Variants in SUGP1 observed in about 807,000 individuals in gnomAD.
SUGP1 encodes SURP and G-patch domain containing 1, also known as SURP and G-patch domain-containing protein 1.
In SUGP1, 34 loss-of-function variants were observed where a neutral mutation model predicts 76.5. That is an observed-to-expected ratio of 0.44 (90% CI 0.34 to 0.59). SUGP1 has a LOEUF of 0.59. Ranked by LOEUF, SUGP1 falls within the 20% of genes least tolerant of loss-of-function variation. SUGP1 has a pLI of 0.01. For synonymous variants in SUGP1, 326 were observed against 326.2 expected (o/e 1.00, Z 0.01); for missense variants, 752 against 851.7 (o/e 0.88, Z 1.46).
At chr19:19,290,498 G>A (rs1013153674) in intron 8 of SUGP1, among the ~76,000 whole-genome samples, 1 of 152,060 alleles carries the variant, frequency 6.6e-6, no homozygotes, top group Non-Finnish European at 1.5e-5. Flanking sequence ...ATAAAAATTA[G>A]CCGGGCATGG....
In SUGP1 at chr19:19,276,135, A is replaced by AC. The variant is rs1338767242; in HGVS notation, c.*512dup. ...AAAGGCGCAATCTTGGCTCACTGCA[A>AC]CCGCTTCCCAGGTTCAAGCCATTCT... On this transcript the variant is annotated 3_prime_UTR_variant, in exon 14 of 14. Transcript: ENST00000247001. The AC allele has an allele frequency of 6.3e-6, 1 of 158,092 alleles. No homozygotes were observed. Among genetic ancestry groups the AC allele is most frequent in the Non-Finnish European group, 1.4e-5 (1 of 71,420 alleles). The allele number at this position is 158,092 out of a possible 1,614,324, so 9.8% of individuals were successfully genotyped here.
chr19:19,314,144 A>AAAATAAAT (rs57753588), intron 2 of SUGP1, among the ~76,000 whole-genome samples: 15 of 147,180 alleles, frequency 1.0e-4, no homozygotes, highest in South Asian at 6.6e-4. Flanking sequence ...CTCAAAAAAT[A>AAAATAAAT]AAATAAATAA....
intron 10 of SUGP1, 106 bp from the exon 11 acceptor site, chr19:19,278,902 C>T: frequency 8.1e-7 from 1 of 1,239,666 alleles, no homozygotes; most frequent in Non-Finnish European, 1.1e-6. Context: ...AGCCTGGGGC[C>T]CCCAGGGAAG....
chr19:19,310,302 G>A, intron 2 of SUGP1, 102 bp from the exon 3 acceptor site: 1 of 875,402 alleles, frequency 1.1e-6, no homozygotes, highest in Non-Finnish European at 1.9e-6. Flanking sequence ...GTCCATCATG[G>A]CCCCTAACTC....
rs143017014 is a variant in SUGP1, at chr19:19,283,800, C to A, written c.1244-3509G>T. Reference sequence around the variant, plus strand: ...ACAGGGTTTCACCATATTGGCCAGGCTGGTCTCGAACTCCAACCTTGTGAT... The same window carrying A: ...ACAGGGTTTCACCATATTGGCCAGGATGGTCTCGAACTCCAACCTTGTGAT... On this transcript the variant is annotated intron_variant, in intron 8 of 13. Transcript: ENST00000247001. 7.2e-3 allele frequency among the ~76,000 whole-genome samples: 1,093 copies of A among 152,214 alleles called. 7 individuals carry two copies. The highest frequency in any genetic ancestry group is 0.012 in the Non-Finnish European group (829 of 68,006).
At chr19:19,320,338 T>C (rs925458071) in intron 1 of SUGP1, 125 bp downstream of exon 1, 10 of 1,038,820 alleles carry the variant, frequency 9.6e-6, no homozygotes, top group African/African-American at 3.3e-5. Flanking sequence ...AAGCCGACGC[T>C]GTGGGCTGCC....
Position 19,297,263 on chromosome 19 carries a change from G to A in SUGP1, c.969C>T (p.Ser323=), listed in dbSNP as rs2061234600. 6.4e-7 allele frequency: 1 copy of A among 1,574,160 alleles called. No homozygotes were observed. ...GATCAGGTGCTGTGAAGCTGCCTGTGGAGCTGGCCTTGGCTTTCCGGAACT... is the reference window on the plus strand; with the variant it reads ...GATCAGGTGCTGTGAAGCTGCCTGTAGAGCTGGCCTTGGCTTTCCGGAACT... The part of the protein sequence containing the change: ...LEEFRKAKAS[S]TGSFTAPDPG... The change falls in exon 8 of 14, where the codon TCC becomes TCT. Residue 323 remains serine, a synonymous_variant. Coordinates refer to ENST00000247001, the MANE Select transcript of SUGP1 (RefSeq NM_172231.4).
At chr19:19,282,261 T>A (rs1177184101) in intron 8 of SUGP1, among the ~76,000 whole-genome samples, 2 of 149,638 alleles carry the variant, frequency 1.3e-5, no homozygotes, top group African/African-American at 4.9e-5. Context: ...ATTACAGGCG[T>A]GAGCCACCAC....
chr19:19,315,395 T>C (rs2061386204), intron 2 of SUGP1, among the ~76,000 whole-genome samples: 1 of 150,862 alleles, frequency 6.6e-6, no homozygotes, highest in African/African-American at 2.4e-5. Context: ...CACTCTACAC[T>C]CCAGACCCCA....
At chr19:19,315,233 C>G (rs2061384445) in intron 2 of SUGP1, among the ~76,000 whole-genome samples, 1 of 151,838 alleles carries the variant, frequency 6.6e-6, no homozygotes, top group Non-Finnish European at 1.5e-5. Context: ...GAGGCTGAGG[C>G]AAGAGAACTG....
At chr19:19,285,860 C>T (rs528043569) in intron 8 of SUGP1, among the ~76,000 whole-genome samples, 10 of 152,294 alleles carry the variant, frequency 6.6e-5, no homozygotes, top group Admixed American at 3.3e-4. Flanking sequence ...CTACCGTACC[C>T]GGCCAAGCAC....
At chr19:19,298,327 G>A (rs973124521) in intron 7 of SUGP1, among the ~76,000 whole-genome samples, 5 of 152,056 alleles carry the variant, frequency 3.3e-5, no homozygotes, top group African/African-American at 1.2e-4. Flanking sequence ...GTGAAATCCC[G>A]TCTGTACTAA....
At chr19:19,298,068 T>C (rs907592954) in intron 7 of SUGP1, among the ~76,000 whole-genome samples, 25 of 152,228 alleles carry the variant, frequency 1.6e-4, no homozygotes, top group Non-Finnish European at 2.9e-5. Context: ...ACTGAATGCA[T>C]GTACAGCCCT....
intron 8 of SUGP1, among the ~76,000 whole-genome samples, chr19:19,293,052 G>C (rs534631887): frequency 2.6e-5 from 4 of 151,874 alleles, no homozygotes; most frequent in Non-Finnish European, 4.4e-5. Context: ...GATTACAGGC[G>C]TGTGCCACCA....
At chr19:19,316,809 G>A (rs933980726) in intron 1 of SUGP1, among the ~76,000 whole-genome samples, 9 of 152,066 alleles carry the variant, frequency 5.9e-5, no homozygotes, top group African/African-American at 2.2e-4. Flanking sequence ...CGTGGGACTC[G>A]CTTCAGGCTG....
intron 8 of SUGP1, among the ~76,000 whole-genome samples, chr19:19,283,008 T>C (rs1026941565): frequency 2.7e-5 from 4 of 148,904 alleles, no homozygotes; most frequent in South Asian, 2.1e-4. Flanking sequence ...ACCCGGGAGG[T>C]GGAGATTGCA....
intron 8 of SUGP1, among the ~76,000 whole-genome samples, chr19:19,293,084 T>G (rs2061198285): frequency 6.6e-6 from 1 of 151,800 alleles, no homozygotes; most frequent in Non-Finnish European, 1.5e-5. Context: ...TTTTTGAATT[T>G]TTTTTGGTAG....
Position 19,297,004 on chromosome 19 carries a change from G to C in SUGP1, c.1228C>G (p.Pro410Ala). ...GTCTGCCCACCTGACAGAGGCGAGG[G>C]AGAGGCATCCACGTCCCTCTGCACC... ...ELVQRDVDAS[P>A]SPLSVQDLKG... Residue 410 changes from proline to alanine, a missense_variant, in exon 8 of 14, where the codon CCC (proline) becomes GCC (alanine). This residue lies in a region of SUGP1 where 620 missense variants were observed against 617.3 expected (regional missense o/e 1.00). Transcript: ENST00000247001. 6.3e-7 allele frequency: 1 copy of C among 1,582,750 alleles called. No homozygotes were observed. Among genetic ancestry groups the C allele is most frequent in the Non-Finnish European group, 8.6e-7 (1 of 1,158,082 alleles).
chr19:19,296,880 G>A (rs1010133366), intron 8 of SUGP1, 109 bp downstream of exon 8: 14 of 987,608 alleles, frequency 1.4e-5, no homozygotes, highest in African/African-American at 3.3e-5. Context: ...GGCCACAGAA[G>A]GAATGAAATT....
Sources: allele counts gnomAD v4.1 joint callset (sites outside exome capture counted in the v4.1 genomes callset), GRCh38; gene constraint gnomAD v4.1.1; regional missense constraint gnomAD v4.1.1; transcripts MANE v1.5; gene names NCBI Gene and HGNC (gene_info 2026-07-23, HGNC 2026-07-21).